The following CDKAL1 variants were observed in gnomAD, a reference collection of about 807,000 sequenced individuals.
CDKAL1 encodes CDKAL1 threonylcarbamoyladenosine tRNA methylthiotransferase.
Under a neutral mutation model 68.2 loss-of-function variants are expected in CDKAL1, and 32 were observed. That is an observed-to-expected ratio of 0.47 (90% confidence interval 0.35 to 0.63). The LOEUF (loss-of-function observed/expected upper bound fraction) is 0.63. Ranked by LOEUF, CDKAL1 falls within the 30% of genes least tolerant of loss-of-function variation. The pLI, the probability that CDKAL1 is intolerant of heterozygous loss-of-function variation, is 0.00. For missense variants in CDKAL1, 606 were observed against 696.7 expected (o/e 0.87, Z 1.47); for synonymous variants, 234 against 244.3 (o/e 0.96, Z 0.39).
intron 13 of CDKAL1, among the ~76,000 whole-genome samples, chr6:21,180,184 C>G (rs181200458): frequency 6.6e-6 from 1 of 152,040 alleles, no homozygotes; most frequent in Non-Finnish European, 1.5e-5. Flanking sequence ...ATTTCATCAC[C>G]AGAACAAAAG....
chr6:20,609,253 C>T (rs2127719926), intron 4 of CDKAL1, among the ~76,000 whole-genome samples: 1 of 105,822 alleles, frequency 9.4e-6, no homozygotes, highest in Non-Finnish European at 1.9e-5. Flanking sequence ...CCTTCTTCTT[C>T]CTCCTTCCTT....
chr6:20,812,768 C>T (rs530179380), intron 8 of CDKAL1, among the ~76,000 whole-genome samples: 1 of 152,236 alleles, frequency 6.6e-6, no homozygotes, highest in Admixed American at 6.5e-5. Flanking sequence ...GCTATACCAA[C>T]ATTTGTTTAT....
In CDKAL1 at chr6:21,218,835, C is replaced by G. The variant is rs571287592; in HGVS notation, c.1549-12013C>G. ...GCAAGTGAGTACATTCAGACCATAG[C>G]CAAGGGGAAGAGATTACATATGGGT... On this transcript the variant is annotated intron_variant, in intron 15 of 15. Transcript: ENST00000274695. Among the ~76,000 whole-genome samples, 28 of 152,212 alleles carry G rather than the reference C, an allele frequency of 1.8e-4. 1 individual carries two copies. Among genetic ancestry groups the G allele is most frequent in the African/African-American group, 6.5e-4 (27 of 41,516 alleles).
At chr6:20,579,217 G>C (rs1344083484) in intron 4 of CDKAL1, among the ~76,000 whole-genome samples, 2 of 152,044 alleles carry the variant, frequency 1.3e-5, no homozygotes, top group Non-Finnish European at 2.9e-5. Flanking sequence ...GACCTGAAGT[G>C]ATCCACCTGC....
intron 5 of CDKAL1, among the ~76,000 whole-genome samples, chr6:20,739,251 G>C (rs1436766860): frequency 6.6e-6 from 1 of 151,462 alleles, no homozygotes; most frequent in South Asian, 2.1e-4. Context: ...TGGGAATAAA[G>C]TAAAAAATAA....
chr6:21,229,035 A>G (rs917063434), intron 15 of CDKAL1, among the ~76,000 whole-genome samples: 2 of 152,188 alleles, frequency 1.3e-5, no homozygotes, highest in African/African-American at 4.8e-5. Context: ...CTCAGAGTGC[A>G]GGGAGACCAG....
At chr6:20,787,901 T>C (rs939105084) in intron 8 of CDKAL1, among the ~76,000 whole-genome samples, 5 of 152,218 alleles carry the variant, frequency 3.3e-5, no homozygotes, top group Non-Finnish European at 5.9e-5. Flanking sequence ...GAAGTAAAAA[T>C]CCTGCTCTGT....
At chr6:20,997,003 T>C (rs1486466036) in intron 10 of CDKAL1, among the ~76,000 whole-genome samples, 2 of 152,374 alleles carry the variant, frequency 1.3e-5, no homozygotes, top group Middle Eastern at 3.4e-3. Context: ...TGTCTTCCTA[T>C]TGAAATTACA....
rs147922679 is a variant in CDKAL1 at position 20,696,421 on chromosome 6, G to A, written c.372-43098G>A. Among the ~76,000 whole-genome samples the A allele has an allele frequency of 3.3e-3, 499 of 152,238 alleles. 7 individuals are homozygous for A. Among genetic ancestry groups the A allele is most frequent in the African/African-American group, 0.011 (468 of 41,550 alleles). Reference sequence around the variant, plus strand: ...GAGCACCTGAAAATATTTAGTGAAGGAAATGAAATCCATTCTTTAGAAAAA... The same window carrying A: ...GAGCACCTGAAAATATTTAGTGAAGAAAATGAAATCCATTCTTTAGAAAAA... On this transcript the variant is annotated intron_variant, in intron 5 of 15. Coordinates refer to ENST00000274695, the MANE Select transcript of CDKAL1 (RefSeq NM_017774.3).
intron 9 of CDKAL1, among the ~76,000 whole-genome samples, chr6:20,897,022 A>C (rs770678343): frequency 5.9e-5 from 9 of 152,216 alleles, no homozygotes; most frequent in Non-Finnish European, 1.2e-4. Flanking sequence ...TTTACTACTC[A>C]CAGTTCTGGA....
Position 20,642,489 on chromosome 6 carries a change from A to AC in CDKAL1, c.287-6804_287-6803insC, listed in dbSNP as rs556437910. 4.2e-3 allele frequency among the ~76,000 whole-genome samples: 642 copies of AC among 151,152 alleles called. 2 individuals carry two copies. Among genetic ancestry groups the AC allele is most frequent in the Non-Finnish European group, 6.5e-3 (444 of 67,824 alleles). Reference sequence around the variant, plus strand: ...AAGATGAAAAACAGAAAAAAAAAAAAAAAACACTGCGAGGGGCCCTTATGC... The same window carrying AC: ...AAGATGAAAAACAGAAAAAAAAAAAACAAAACACTGCGAGGGGCCCTTATGC... On this transcript the variant is annotated intron_variant, in intron 4 of 15. Transcript: ENST00000274695.
intron 10 of CDKAL1, among the ~76,000 whole-genome samples, chr6:20,998,980 C>T (rs950082205): frequency 4.0e-5 from 6 of 151,298 alleles, no homozygotes; most frequent in Admixed American, 6.6e-5. Context: ...ATGGTTGATC[C>T]GTATGCATGA....
Position 20,946,798 on chromosome 6 carries a change from T to C in CDKAL1, c.743-8621T>C, listed in dbSNP as rs189898656. The stretch of plus-strand genomic sequence containing the variant: ...TTTAGTAGAGACGGGGGTTTCTCCA[T>C]GTTGGTCAGGCTGGTCTCCAACTCC... On this transcript the variant is annotated intron_variant, in intron 9 of 15. Coordinates refer to ENST00000274695, the MANE Select transcript of CDKAL1 (RefSeq NM_017774.3). Among the ~76,000 whole-genome samples, 1,029 of 152,182 alleles carry C rather than the reference T, an allele frequency of 6.8e-3. 6 individuals are homozygous for C. Among genetic ancestry groups the C allele is most frequent in the Non-Finnish European group, 0.011 (720 of 67,986 alleles).
chr6:21,081,998 A>G (rs1335430752), intron 12 of CDKAL1, among the ~76,000 whole-genome samples: 1 of 144,356 alleles, frequency 6.9e-6, no homozygotes, highest in East Asian at 3.7e-4. Context: ...AGAGCTATGT[A>G]TAATGTTAAC....
intron 13 of CDKAL1, among the ~76,000 whole-genome samples, chr6:21,195,475 T>TG (rs1425536294): frequency 2.7e-4 from 28 of 102,250 alleles, no homozygotes; most frequent in Admixed American, 2.3e-3. Flanking sequence ...TGGAGATGTT[T>TG]TTTTTATTTA....
intron 13 of CDKAL1, among the ~76,000 whole-genome samples, chr6:21,189,047 T>G (rs951086437): frequency 6.6e-6 from 1 of 152,194 alleles, no homozygotes; most frequent in African/African-American, 2.4e-5. Flanking sequence ...GCTTTGTTAC[T>G]AAGAATGGGA....
At chr6:20,620,604 A>G (rs1767138733) in intron 4 of CDKAL1, among the ~76,000 whole-genome samples, 1 of 152,282 alleles carries the variant, frequency 6.6e-6, no homozygotes, top group East Asian at 1.9e-4. Context: ...ACTTCTGGAC[A>G]TTTGATAGTA....
rs1445806606 is a variant in CDKAL1 at position 20,563,305 on chromosome 6, A to G, written c.286+14600A>G. Reference sequence around the variant, plus strand: ...TGTTCTGGAATAAATGTTATGGCTTAATAAAACTATTCAGAAAATCACTGA... The same window carrying G: ...TGTTCTGGAATAAATGTTATGGCTTGATAAAACTATTCAGAAAATCACTGA... On this transcript the variant is annotated intron_variant, in intron 4 of 15. Transcript: ENST00000274695. Among the ~76,000 whole-genome samples, 4 of 152,204 alleles carry G rather than the reference A, an allele frequency of 2.6e-5. No homozygotes were observed. The East Asian group carries it at 7.7e-4, about 29-fold the overall frequency.
chr6:20,959,395 TAAAAC>T (rs1249317793), intron 10 of CDKAL1, among the ~76,000 whole-genome samples: 4 of 152,170 alleles, frequency 2.6e-5, no homozygotes, highest in Non-Finnish European at 5.9e-5. Context: ...AATCAATAGA[TAAAAC>T]AATAAACATG....
Sources: gnomAD v4.1 joint callset for allele counts (sites outside exome capture counted in the v4.1 genomes callset) on GRCh38, gnomAD v4.1.1 for gene constraint, MANE v1.5 for transcripts, NCBI Gene and HGNC (gene_info 2026-07-23, HGNC 2026-07-21) for gene names.